RASEF: variants seen among roughly 807,000 people sequenced by gnomAD.
RASEF encodes RAS and EF-hand domain containing.
A neutral mutation model predicts 90.1 loss-of-function variants in RASEF; 68 were observed. The ratio of observed to expected loss-of-function variants is 0.75; its 90% confidence interval spans 0.62 to 0.92. The LOEUF (loss-of-function observed/expected upper bound fraction) is 0.92, where lower values mean the gene tolerates loss of function less well. Ranked by LOEUF, RASEF falls within the 40% of genes least tolerant of loss-of-function variation. The pLI, the probability that RASEF is intolerant of heterozygous loss-of-function variation, is 0.00. For missense variants in RASEF, 949 were observed against 937.2 expected (o/e 1.01, Z -0.16); for synonymous variants, 331 against 345.2 (o/e 0.96, Z 0.46).
At chr9:83,147,218 G>A in the RASEF span, among the ~76,000 whole-genome samples, 1 of 151,920 alleles carries the variant, frequency 6.6e-6, no homozygotes. Flanking sequence ...TTTTTAGAGT[G>A]CTTTAGGTAA....
At chr9:83,000,637 TG>T (rs1829015637) in intron 10 of RASEF, 67 bp from the exon 11 acceptor site, 23 of 1,409,564 alleles carry the variant, frequency 1.6e-5, no homozygotes, top group Non-Finnish European at 2.2e-5. Context: ...AAGTCTAAAA[TG>T]TATACATTAT....
At chr9:83,200,933 C>G in the RASEF span, 1 of 152,214 alleles carries the variant, frequency 6.6e-6, no homozygotes, top group African/African-American at 2.4e-5. Flanking sequence ...AGAGCATCTC[C>G]CTTCTCTTAA....
chr9:83,165,520 T>A, the RASEF span, among the ~76,000 whole-genome samples: 2 of 152,160 alleles, frequency 1.3e-5, no homozygotes, highest in Admixed American at 6.5e-5. Flanking sequence ...AAATTTATAT[T>A]AATAGCATTG....
intron 3 of RASEF, among the ~76,000 whole-genome samples, chr9:83,016,760 G>C (rs1829349434): frequency 6.6e-6 from 1 of 152,136 alleles, no homozygotes; most frequent in Admixed American, 6.5e-5. Context: ...GTCTGCTAGA[G>C]AGTAAGGTAG....
At chr9:83,108,671 C>A in the RASEF span, among the ~76,000 whole-genome samples, 3 of 152,124 alleles carry the variant, frequency 2.0e-5, no homozygotes, top group African/African-American at 7.2e-5. Flanking sequence ...AACTTAAGAC[C>A]TTCTGTTCAC....
At chr9:83,128,620 A>G in the RASEF span, among the ~76,000 whole-genome samples, 1 of 152,070 alleles carries the variant, frequency 6.6e-6, no homozygotes, top group South Asian at 2.1e-4. Flanking sequence ...GAACTGTTCC[A>G]TCACTCAGTA....
At chr9:83,129,844 A>G in the RASEF span, among the ~76,000 whole-genome samples, 1 of 152,256 alleles carries the variant, frequency 6.6e-6, no homozygotes, top group East Asian at 1.9e-4. Flanking sequence ...TAAGTACCAT[A>G]CAACCAACAA....
chr9:83,091,249 T>C, the RASEF span, among the ~76,000 whole-genome samples: 3 of 152,304 alleles, frequency 2.0e-5, no homozygotes, highest in African/African-American at 7.2e-5. Context: ...ATACTGGAGC[T>C]TTTAAAGTCC....
At position 82,988,173 on chromosome 9, in the gene RASEF, G is replaced by T. The variant is rs74645673; in HGVS notation, c.2117+2218C>A. ...AAACCTGACAATCCAACAGTTATTT[G>T]ATCTTTAGTGAAGTCAAATTCTGCA... is the stretch of plus-strand genomic sequence containing the variant. On this transcript the variant is annotated intron_variant, in intron 16 of 16. Transcript: ENST00000376447. Among the ~76,000 whole-genome samples, 703 of 152,322 alleles carry T rather than the reference G, an allele frequency of 4.6e-3. 3 individuals are homozygous for T. Among genetic ancestry groups the T allele is most frequent in the African/African-American group, 0.016 (652 of 41,584 alleles).
intron 3 of RASEF, among the ~76,000 whole-genome samples, chr9:83,020,210 C>A (rs1829416455): frequency 6.6e-6 from 1 of 152,112 alleles, no homozygotes; most frequent in Non-Finnish European, 1.5e-5. Flanking sequence ...CAGGGCAGGG[C>A]ATCAAGAAGA....
At chr9:83,058,344 G>A (rs1233281907) in intron 1 of RASEF, among the ~76,000 whole-genome samples, 5 of 150,418 alleles carry the variant, frequency 3.3e-5, no homozygotes, top group Admixed American at 1.3e-4. Context: ...TACCACGCCC[G>A]GCTAATTTTT....
At chr9:83,064,880 A>G (rs1281182949), upstream of RASEF, among the ~76,000 whole-genome samples, 1 of 152,166 alleles carries the variant, frequency 6.6e-6, no homozygotes, top group Non-Finnish European at 1.5e-5. Flanking sequence ...CAGCCTGACC[A>G]ACATGGTGAA....
In RASEF at chr9:83,062,715, G is replaced by A. The variant is rs1323436770; in HGVS notation, c.153C>T (p.Phe51=). 6.3e-7 allele frequency: 1 copy of A among 1,579,166 alleles called. No individual in the cohort carries two copies. The highest frequency in any genetic ancestry group is 8.5e-7 in the Non-Finnish European group (1 of 1,171,258). ...RVRPADAEAV[F]QRLDADRDGA... ...CGTCACGGTCGGCGTCCAGCCGCTG[G>A]AATACTGCCTCGGCGTCGGCCGGCC... The change falls in exon 1 of 17, where the codon TTC becomes TTT. Residue 51 remains phenylalanine, a synonymous_variant. Transcript: ENST00000376447.
chr9:83,134,667 TA>T, the RASEF span, among the ~76,000 whole-genome samples: 1 of 152,150 alleles, frequency 6.6e-6, no homozygotes, highest in Non-Finnish European at 1.5e-5. Context: ...GGTCATAAAC[TA>T]GTGCCAGCTG....
chr9:83,098,143 A>G, the RASEF span, among the ~76,000 whole-genome samples: 1 of 152,200 alleles, frequency 6.6e-6, no homozygotes, highest in African/African-American at 2.4e-5. Context: ...ATCTTATGCA[A>G]GCAACCAGGT....
At chr9:83,153,974 A>G in the RASEF span, among the ~76,000 whole-genome samples, 1 of 152,160 alleles carries the variant, frequency 6.6e-6, no homozygotes, top group Non-Finnish European at 1.5e-5. Flanking sequence ...AATAGTGGAG[A>G]ATGCATAGCG....
At chr9:83,030,249 C>T (rs550590239) in intron 1 of RASEF, among the ~76,000 whole-genome samples, 70 of 151,658 alleles carry the variant, frequency 4.6e-4, no homozygotes, top group Non-Finnish European at 7.9e-4. Flanking sequence ...CCCAGCTACT[C>T]GGGAGGCTGA....
the RASEF span, among the ~76,000 whole-genome samples, chr9:83,192,745 C>T: frequency 1.3e-5 from 2 of 149,786 alleles, no homozygotes; most frequent in Non-Finnish European, 3.0e-5. Context: ...AAAATGCTAC[C>T]TTCACCAGAA....
the RASEF span, among the ~76,000 whole-genome samples, chr9:83,160,416 G>T: frequency 6.6e-6 from 1 of 152,168 alleles, no homozygotes; most frequent in Non-Finnish European, 1.5e-5. Context: ...GTAGCATTTT[G>T]CCCCTGCCCT....
Sources: allele counts gnomAD v4.1 joint callset (sites outside exome capture counted in the v4.1 genomes callset), GRCh38; gene constraint gnomAD v4.1.1; transcripts MANE v1.5; gene names NCBI Gene and HGNC (gene_info 2026-07-23, HGNC 2026-07-21).